Variants in POLI observed in about 807,000 individuals in gnomAD.
POLI encodes the protein DNA polymerase iota.
POLI carries 58 observed loss-of-function variants against 51.6 expected under a neutral mutation model. The observed-to-expected ratio is 1.12, with a 90% CI of 0.91 to 1.40. The LOEUF (loss-of-function observed/expected upper bound fraction) is 1.40. Ranked by LOEUF, POLI falls within the 40% of genes most tolerant of loss-of-function variation. POLI has a pLI of 0.00. For missense variants in POLI, 921 were observed against 871.3 expected (o/e 1.06, Z -0.72); for synonymous variants, 322 against 299.7 (o/e 1.07, Z -0.77).
At chr18:54,319,500 T>C (rs1478366149) in intron 3 of POLI, among the ~76,000 whole-genome samples, 1 of 152,136 alleles carries the variant, frequency 6.6e-6, no homozygotes, top group African/African-American at 2.4e-5. Flanking sequence ...CAGTAATGTC[T>C]GAATATCTGA....
At chr18:54,299,189 C>CT (rs1211846191), downstream of POLI, among the ~76,000 whole-genome samples, 4 of 152,128 alleles carry the variant, frequency 2.6e-5, no homozygotes, top group Admixed American at 1.3e-4. Flanking sequence ...AATCCTAGCA[C>CT]TTTGGGAGGC....
chr18:54,309,862 C>T (rs1222142528), intron 3 of POLI, among the ~76,000 whole-genome samples: 5 of 152,216 alleles, frequency 3.3e-5, no homozygotes, highest in African/African-American at 9.6e-5. Context: ...TAGCAGTGAG[C>T]AAGGCTCCAT....
At chr18:54,299,399 C>G (rs2144626226), downstream of POLI, among the ~76,000 whole-genome samples, 2 of 152,270 alleles carry the variant, frequency 1.3e-5, no homozygotes, top group Middle Eastern at 3.4e-3. Context: ...CCCACCATTG[C>G]ACTCCAGCCT....
Position 54,277,928 on chromosome 18 carries a change from G to A in POLI, c.559+73G>A. ...TTTCTTAATGTTCAGTGAGTTCGCT[G>A]TGTGATTCTGAAAGATTCATGACTT... On this transcript the variant is annotated intron_variant, in intron 4 of 9. Transcript: ENST00000579534. 5 of 1,116,870 alleles carry A rather than the reference G, an allele frequency of 4.5e-6. No individual in the cohort carries two copies. The South Asian group carries it at 6.3e-5, about 14-fold the overall frequency. 69.2% of individuals were successfully genotyped at this position (1,116,870 alleles called of 1,614,324 possible). A position where few individuals can be genotyped will look rare whatever the true frequency, so the allele number is the denominator to read the frequency against.
chr18:54,313,098 G>A (rs2088689936), intron 3 of POLI, among the ~76,000 whole-genome samples: 1 of 152,112 alleles, frequency 6.6e-6, no homozygotes, highest in Admixed American at 6.6e-5. Flanking sequence ...TTACATTTAA[G>A]TCTAATCCAT....
chr18:54,300,573 G>C (rs2088473409), downstream of POLI, among the ~76,000 whole-genome samples: 1 of 151,800 alleles, frequency 6.6e-6, no homozygotes. Context: ...GGACACATGG[G>C]GAAAATAGAA....
chr18:54,292,138 G>T, intron 9 of POLI, 100 bp downstream of exon 9: 1 of 740,206 alleles, frequency 1.4e-6, no homozygotes, highest in Non-Finnish European at 2.2e-6. Context: ...ATATAGTTTA[G>T]AGATTCTTTT....
chr18:54,296,726 T>A lies in POLI; in HGVS notation c.*2259T>A, dbSNP rs1298799326. The A allele has an allele frequency of 4.5e-6, 1 of 222,878 alleles. No homozygotes were observed. Among genetic ancestry groups the A allele is most frequent in the Admixed American group, 6.5e-5 (1 of 15,350 alleles). 13.8% of individuals were successfully genotyped at this position (222,878 alleles called of 1,614,324 possible). A position where few individuals can be genotyped will look rare whatever the true frequency, so the allele number is the denominator to read the frequency against. Reference sequence around the variant, plus strand: ...TCTATCTTTCTGTTTACTAGTTCATTTTTCAGTAGCATCTCACCTGCTATT... The same window carrying A: ...TCTATCTTTCTGTTTACTAGTTCATATTTCAGTAGCATCTCACCTGCTATT... On this transcript the variant is annotated 3_prime_UTR_variant, in exon 10 of 10. Transcript: ENST00000579534.
intron 1 of POLI, chr18:54,270,102 G>T (rs909649029): frequency 3.2e-6 from 3 of 929,854 alleles, no homozygotes; most frequent in Non-Finnish European, 3.9e-6. Flanking sequence ...GTCCGCTGTG[G>T]TCACGTCTCC....
intron 2 of POLI, 55 bp downstream of exon 2, chr18:54,271,540 TC>T (rs1176836238): frequency 1.3e-5 from 16 of 1,210,914 alleles, no homozygotes; most frequent in Middle Eastern, 2.0e-4. Context: ...TAGCAACTCA[TC>T]ATGCTCATTA....
intron 3 of POLI, among the ~76,000 whole-genome samples, chr18:54,276,816 A>T (rs1170977102): frequency 6.6e-6 from 1 of 152,208 alleles, no homozygotes; most frequent in African/African-American, 2.4e-5. Context: ...TGTTTGTGAA[A>T]AAACATGATC....
intron 1 of POLI, chr18:54,270,032 G>T (rs554302148): frequency 4.0e-6 from 4 of 1,008,306 alleles, no homozygotes; most frequent in Non-Finnish European, 4.7e-6. Flanking sequence ...TTTGGCAGAA[G>T]GTGGGACCCG....
rs1405630813 is a variant in POLI, at chr18:54,296,220, G to A, written c.*1753G>A. On this transcript the variant is annotated 3_prime_UTR_variant, in exon 10 of 10. Transcript: ENST00000579534. ...TTCAGGACCTTGGACAGCTAGAAGG[G>A]GCTTAAGAAAAAATGGCTAAGAAAA... The A allele has an allele frequency of 2.0e-6, 2 of 985,110 alleles. No homozygotes were observed. Among genetic ancestry groups the A allele is most frequent in the Non-Finnish European group, 2.4e-6 (2 of 829,868 alleles). The allele number at this position is 985,110 out of a possible 1,614,324, so 61.0% of individuals were successfully genotyped here. A position where few individuals can be genotyped will look rare whatever the true frequency, so the allele number is the denominator to read the frequency against.
chr18:54,273,915 AT>A lies in POLI; in HGVS notation c.242-5del. The A allele has an allele frequency of 6.8e-7, 1 of 1,472,342 alleles. No individual in the cohort carries two copies. Among genetic ancestry groups the A allele is most frequent in the Non-Finnish European group, 9.1e-7 (1 of 1,102,778 alleles). The allele number at this position is 1,472,342 out of a possible 1,614,324, so 91.2% of individuals were successfully genotyped here. On this transcript the variant is annotated splice_polypyrimidine_tract_variant and intron_variant, in intron 2 of 9. Transcript: ENST00000579534. The stretch of plus-strand genomic sequence containing the variant: ...ATTGTGCTTGGGTTTCTCATAAAAT[AT>A]TTTTTACAGGGGTTCAACAGAAATA...
Position 54,280,747 on chromosome 18 carries a change from A to G in POLI, c.640A>G (p.Asn214Asp). The stretch of plus-strand genomic sequence containing the variant: ...AGCAGAGATGCGGGAAGCCATGTAT[A>G]ATCAGTTGGGGCTCACTGGCTGTGC... ...IAAEMREAMYNQLGLTGCAGV... is the reference protein window; with the variant it reads ...IAAEMREAMYDQLGLTGCAGV... Residue 214 changes from asparagine to aspartate, a missense_variant, in exon 5 of 10, where the codon AAT (asparagine) becomes GAT (aspartate). By Grantham distance (23) the Asn-to-Asp change is conservative. Transcript: ENST00000579534. 2 of 1,613,866 alleles carry G rather than the reference A, an allele frequency of 1.2e-6. No homozygotes were observed. The highest frequency in any genetic ancestry group is 1.7e-6 in the Non-Finnish European group (2 of 1,179,748).
At chr18:54,310,457 AT>A (rs1384198144) in intron 3 of POLI, among the ~76,000 whole-genome samples, 1 of 148,642 alleles carries the variant, frequency 6.7e-6, no homozygotes, top group African/African-American at 2.5e-5. Context: ...ATTCTCTCTT[AT>A]CCTGTTACCT....
intron 8 of POLI, among the ~76,000 whole-genome samples, chr18:54,290,101 G>C (rs1051532730): frequency 2.6e-5 from 4 of 152,130 alleles, no homozygotes; most frequent in Admixed American, 1.3e-4. Context: ...CTAATATCCA[G>C]AATCTACAAA....
chr18:54,298,246 A>G (rs1449008862), downstream of POLI: 2 of 183,978 alleles, frequency 1.1e-5, no homozygotes, highest in East Asian at 1.9e-4. Context: ...CAAGAAGTCC[A>G]GAGTTTTCTT....
chr18:54,314,734 T>C (rs1852576401), intron 3 of POLI, among the ~76,000 whole-genome samples: 1 of 152,170 alleles, frequency 6.6e-6, no homozygotes, highest in African/African-American at 2.4e-5. Flanking sequence ...TCCTCTAGAT[T>C]TTCTAGTTTG....
Sources: gnomAD v4.1 joint callset for allele counts (sites outside exome capture counted in the v4.1 genomes callset) on GRCh38, gnomAD v4.1.1 for gene constraint, MANE v1.5 for transcripts, NCBI Gene and HGNC (gene_info 2026-07-23, HGNC 2026-07-21) for gene names.